Variants in PUS10 observed in about 807,000 individuals in gnomAD.
PUS10 encodes the protein pseudouridine synthase 10, also known as tRNA pseudouridine synthase Pus10.
A neutral mutation model predicts 75.0 loss-of-function variants in PUS10; 59 were observed. That is an observed-to-expected ratio of 0.79 (90% CI 0.64 to 0.98). The LOEUF (loss-of-function observed/expected upper bound fraction) is 0.98, where lower values mean the gene tolerates loss of function less well. PUS10 is among the 50% of genes least tolerant of loss of function. The pLI, the probability that PUS10 is intolerant of heterozygous loss-of-function variation, is 0.00. For missense variants in PUS10, 650 were observed against 614.4 expected (o/e 1.06, Z -0.61); for synonymous variants, 219 against 211.6 (o/e 1.03, Z -0.30).
At chr2:61,010,736 G>A in intron 2 of PUS10, 1 of 1,541,382 alleles carries the variant, frequency 6.5e-7, no homozygotes, top group East Asian at 2.5e-5. Context: ...ACTGAAGCTG[G>A]AAAGTGGTGG....
At chr2:60,995,797 CAAG>C (rs1394909961) in intron 4 of PUS10, among the ~76,000 whole-genome samples, 2 of 152,112 alleles carry the variant, frequency 1.3e-5, no homozygotes, top group African/African-American at 4.8e-5. Flanking sequence ...TGACAATTCA[CAAG>C]AATAAGACCA....
At chr2:60,958,636 C>T (rs556830392) in intron 11 of PUS10, among the ~76,000 whole-genome samples, 81 of 152,248 alleles carry the variant, frequency 5.3e-4, no homozygotes, top group African/African-American at 1.8e-3. Context: ...GTAATCTCAG[C>T]GCTTTGAGAG....
At chr2:60,989,798 T>C (rs1677963271) in intron 4 of PUS10, among the ~76,000 whole-genome samples, 2 of 152,116 alleles carry the variant, frequency 1.3e-5, no homozygotes, top group African/African-American at 4.8e-5. Context: ...TTTAAAAATA[T>C]ATTTTTAGTA....
At position 61,006,581 on chromosome 2, in the gene PUS10, G is replaced by T; in HGVS notation, c.444C>A (p.Phe148Leu). 3 of 1,613,422 alleles carry T rather than the reference G, an allele frequency of 1.9e-6. No individual in the cohort carries two copies. The highest frequency in any genetic ancestry group is 2.5e-6 in the Non-Finnish European group (3 of 1,179,608). ...EFTSLVFSVS[F>L]PPQLSVREHA... The stretch of plus-strand genomic sequence containing the variant: ...CCTCTCTTACAGATAGTTGTGGTGG[G>T]AAGGAGACTGAAAATACCAAGCTGG... The change falls in exon 4 of 18, where the codon TTC (phenylalanine) becomes TTA (leucine). Residue 148 changes from phenylalanine (F) to leucine (L), a missense_variant. Physicochemically the swap from Phe to Leu is conservative, Grantham distance 22 (BLOSUM62 0). Coordinates refer to ENST00000316752, the MANE Select transcript of PUS10 (RefSeq NM_144709.4).
intron 4 of PUS10, among the ~76,000 whole-genome samples, chr2:61,001,723 A>G (rs1379842388): frequency 2.0e-5 from 3 of 152,260 alleles, no homozygotes; most frequent in African/African-American, 7.2e-5. Flanking sequence ...TCAAATAAAT[A>G]TATCTAAATA....
chr2:60,954,627 G>A (rs1244968105), intron 12 of PUS10, among the ~76,000 whole-genome samples: 1 of 152,172 alleles, frequency 6.6e-6, no homozygotes, highest in East Asian at 1.9e-4. Context: ...GGTAAAATGA[G>A]AGACATGAAG....
At chr2:60,970,095 C>A (rs894006813) in intron 5 of PUS10, among the ~76,000 whole-genome samples, 27 of 150,858 alleles carry the variant, frequency 1.8e-4, no homozygotes, top group South Asian at 1.0e-3. Context: ...AAAAAAAAAA[C>A]AAAACCCGAA....
At chr2:61,005,607 C>T (rs1204805613) in intron 4 of PUS10, among the ~76,000 whole-genome samples, 3 of 152,188 alleles carry the variant, frequency 2.0e-5, no homozygotes, top group Non-Finnish European at 2.9e-5. Context: ...CAGAAGATGG[C>T]ACATCAGTGA....
chr2:60,971,636 G>A lies in PUS10; in HGVS notation c.469-79C>T. 2.3e-6 allele frequency: 3 copies of A among 1,329,370 alleles called. No homozygotes were observed. In the South Asian group the frequency reaches 3.6e-5, roughly 16 times the overall value. 82.3% of individuals were successfully genotyped at this position (1,329,370 alleles called of 1,614,324 possible). A position where few individuals can be genotyped will look rare whatever the true frequency, so the allele number is the denominator to read the frequency against. On this transcript the variant is annotated intron_variant, in intron 4 of 17. Transcript: ENST00000316752. Reference sequence around the variant, plus strand: ...GAAATTAAGTCTCAATATCATTACTGAAGTGCTTAACTATTTGCTAATCAA... The same window carrying A: ...GAAATTAAGTCTCAATATCATTACTAAAGTGCTTAACTATTTGCTAATCAA...
intron 11 of PUS10, among the ~76,000 whole-genome samples, chr2:60,956,720 A>G (rs971350918): frequency 6.6e-6 from 1 of 152,180 alleles, no homozygotes; most frequent in Non-Finnish European, 1.5e-5. Flanking sequence ...TCACGCCTGT[A>G]ATCCCAGCAC....
chr2:60,960,149 CAAAAAAA>C (rs559273848), intron 11 of PUS10, among the ~76,000 whole-genome samples: 1 of 88,268 alleles, frequency 1.1e-5, no homozygotes, highest in East Asian at 3.5e-4. Context: ...CAGGCTCTCT[CAAAAAAA>C]AAAAAAAAAA....
chr2:61,018,247 A>T lies in PUS10; in HGVS notation c.-255T>A. The T allele has an allele frequency of 6.4e-7, 1 of 1,551,134 alleles. No individual in the cohort carries two copies. ...TCCAGCCACGGCATCGACAGGGAGC[A>T]AAGTCTCTCCTTAAAGGTGTTAACC... On this transcript the variant is annotated 5_prime_UTR_variant, in exon 1 of 18. Coordinates refer to ENST00000316752, the MANE Select transcript of PUS10 (RefSeq NM_144709.4).
Position 60,979,858 on chromosome 2 carries a change from TC to T in PUS10, c.469-8302del, listed in dbSNP as rs1323550559. Among the ~76,000 whole-genome samples, 15 of 152,358 alleles carry T rather than the reference TC, an allele frequency of 9.8e-5. No homozygotes were observed. The East Asian group carries it at 2.9e-3, about 29-fold the overall frequency. ...TCAAGAGGGGAAAAGCAAGGACAGATCAGCATAGAATGAATCTGTGGGGCCA... is the reference window on the plus strand; with the variant it reads ...TCAAGAGGGGAAAAGCAAGGACAGATAGCATAGAATGAATCTGTGGGGCCA... On this transcript the variant is annotated intron_variant, in intron 4 of 17. Transcript: ENST00000316752.
intron 12 of PUS10, among the ~76,000 whole-genome samples, chr2:60,954,792 C>A (rs76116645): frequency 0.021 from 3,189 of 152,254 alleles, 44 homozygotes; most frequent in Non-Finnish European, 0.033. Context: ...TCCCTTATAA[C>A]CTATAGGTAT....
chr2:61,005,127 G>A (rs1357484698), intron 4 of PUS10, among the ~76,000 whole-genome samples: 1 of 152,140 alleles, frequency 6.6e-6, no homozygotes, highest in East Asian at 1.9e-4. Flanking sequence ...CAGGCGTGGT[G>A]ACGCATGCCT....
intron 4 of PUS10, among the ~76,000 whole-genome samples, chr2:60,984,043 A>T (rs907126158): frequency 1.3e-5 from 2 of 152,138 alleles, no homozygotes; most frequent in African/African-American, 4.8e-5. Context: ...AAAAACACAT[A>T]GGAATAAATA....
intron 4 of PUS10, among the ~76,000 whole-genome samples, chr2:60,996,831 G>A (rs949213543): frequency 1.3e-5 from 2 of 152,126 alleles, no homozygotes. Context: ...CCCATTAACT[G>A]TCAGAGATTA....
intron 11 of PUS10, 112 bp downstream of exon 11, chr2:60,960,280 G>T (rs67927699): frequency 1.3e-6 from 1 of 793,002 alleles, no homozygotes; most frequent in Non-Finnish European, 1.8e-6. Flanking sequence ...GGAAGTCAAG[G>T]CTGCCATAAG....
At chr2:60,948,583 G>C in intron 15 of PUS10, among the ~76,000 whole-genome samples, 1 of 150,556 alleles carries the variant, frequency 6.6e-6, no homozygotes, top group East Asian at 1.9e-4. Flanking sequence ...GGTTGTTTTG[G>C]TTTTTTTTTG....
Sources: allele counts gnomAD v4.1 joint callset (sites outside exome capture counted in the v4.1 genomes callset), GRCh38; gene constraint gnomAD v4.1.1; transcripts MANE v1.5; gene names NCBI Gene and HGNC (gene_info 2026-07-23, HGNC 2026-07-21).